PTGIS: variants seen among roughly 807,000 people sequenced by gnomAD.
PTGIS encodes the protein prostacyclin synthase.
Under a neutral mutation model 50.3 loss-of-function variants are expected in PTGIS, and 45 were observed. That is an observed-to-expected ratio of 0.90 (90% CI 0.70 to 1.15). The LOEUF is 1.15. Among genes scored for constraint, PTGIS ranks in the 50% most tolerant of loss-of-function variants. PTGIS has a pLI of 0.00. For missense variants in PTGIS, 668 were observed against 661.3 expected (o/e 1.01, Z -0.11); for synonymous variants, 260 against 267.7 (o/e 0.97, Z 0.28).
At chr20:49,530,544 C>T (rs1260499473) in intron 5 of PTGIS, among the ~76,000 whole-genome samples, 2 of 152,180 alleles carry the variant, frequency 1.3e-5, no homozygotes, top group African/African-American at 2.4e-5. Flanking sequence ...TTCCCACCAC[C>T]AGTGCGAAAG....
chr20:49,516,293 C>A (rs1339003046), intron 6 of PTGIS, among the ~76,000 whole-genome samples: 1 of 151,986 alleles, frequency 6.6e-6, no homozygotes, highest in Non-Finnish European at 1.5e-5. Flanking sequence ...AATGGACACA[C>A]TAATTTTAAG....
At chr20:49,555,363 T>G (rs1310828935) in intron 1 of PTGIS, among the ~76,000 whole-genome samples, 1 of 152,228 alleles carries the variant, frequency 6.6e-6, no homozygotes, top group African/African-American at 2.4e-5. Flanking sequence ...CAATAACCTG[T>G]GATTCTATTT....
chr20:49,509,264 C>T (rs897323384), intron 9 of PTGIS, among the ~76,000 whole-genome samples: 1 of 152,212 alleles, frequency 6.6e-6, no homozygotes, highest in Admixed American at 6.5e-5. Flanking sequence ...TGAACTCCTG[C>T]ACCTCCACTT....
At chr20:49,537,536 C>T (rs1351107821) in intron 5 of PTGIS, among the ~76,000 whole-genome samples, 1 of 152,280 alleles carries the variant, frequency 6.6e-6, no homozygotes, top group East Asian at 1.9e-4. Context: ...AGGCAGATCT[C>T]CTGAGGTCAG....
At position 49,507,914 on chromosome 20, in the gene PTGIS, CCT is replaced by C. The variant is rs1555802861; in HGVS notation, c.*4_*5del. 3.7e-6 allele frequency: 6 copies of C among 1,610,998 alleles called. No homozygotes were observed. The highest frequency in any genetic ancestry group is 5.1e-6 in the Non-Finnish European group (6 of 1,180,018). Reference sequence around the variant, plus strand: ...GGCGAGCACGTGGATCCATCTGCTCCCTGTGTCATGGGCGGATGCGGTAGCGG... The same window carrying C: ...GGCGAGCACGTGGATCCATCTGCTCCGTGTCATGGGCGGATGCGGTAGCGG... On this transcript the variant is annotated 3_prime_UTR_variant, in exon 10 of 10. Coordinates refer to ENST00000244043, the MANE Select transcript of PTGIS (RefSeq NM_000961.4).
At chr20:49,561,152 C>T (rs1982763836) in intron 1 of PTGIS, among the ~76,000 whole-genome samples, 1 of 152,162 alleles carries the variant, frequency 6.6e-6, no homozygotes, top group Non-Finnish European at 1.5e-5. Context: ...TCCTTTCCCC[C>T]TCCCTCTCTA....
intron 9 of PTGIS, among the ~76,000 whole-genome samples, chr20:49,510,182 GT>G: frequency 6.6e-6 from 1 of 152,002 alleles, no homozygotes. Flanking sequence ...AATCCCTGCA[GT>G]TTTTGTTGCA....
chr20:49,546,606 A>T (rs981714911), intron 3 of PTGIS, among the ~76,000 whole-genome samples: 1 of 152,190 alleles, frequency 6.6e-6, no homozygotes, highest in Non-Finnish European at 1.5e-5. Context: ...TCTTAGATGA[A>T]GGAGAATGCG....
Position 49,524,242 on chromosome 20 carries a change from G to T in PTGIS, c.674-3C>A, listed in dbSNP as rs1404342083. ...ACTGCACATGTGGTCCTTGTCCCCTGCAGGGACAGAGCACAGAGAGTAGGG... is the reference window on the plus strand; with the variant it reads ...ACTGCACATGTGGTCCTTGTCCCCTTCAGGGACAGAGCACAGAGAGTAGGG... On this transcript the variant is annotated splice_polypyrimidine_tract_variant and splice_region_variant and intron_variant, in intron 5 of 9. Coordinates refer to ENST00000244043, the MANE Select transcript of PTGIS (RefSeq NM_000961.4). 6.2e-7 allele frequency: 1 copy of T among 1,613,780 alleles called. No homozygotes were observed. Among genetic ancestry groups the T allele is most frequent in the Non-Finnish European group, 8.5e-7 (1 of 1,179,946 alleles).
intron 5 of PTGIS, among the ~76,000 whole-genome samples, chr20:49,537,525 C>T (rs1658520570): frequency 6.6e-6 from 1 of 151,912 alleles, no homozygotes; most frequent in South Asian, 2.1e-4. Flanking sequence ...GAGGCCGAGG[C>T]AGGCAGATCT....
At chr20:49,550,294 T>G in intron 1 of PTGIS, 105 bp from the exon 2 acceptor site, 1 of 1,447,494 alleles carries the variant, frequency 6.9e-7, no homozygotes, top group South Asian at 1.1e-5. Flanking sequence ...GGAGGTAATC[T>G]GAATGGAGCA....
Position 49,524,053 on chromosome 20 carries a change from C to T in PTGIS, c.855+5G>A, listed in dbSNP as rs369842524. On this transcript the variant is annotated splice_donor_5th_base_variant and intron_variant, in intron 6 of 9. Transcript: ENST00000244043. ...GCACACACCCACTTGCACATTCACACCCACCTGTGTGGCCCACAGCTGCAG... is the reference window on the plus strand; with the variant it reads ...GCACACACCCACTTGCACATTCACATCCACCTGTGTGGCCCACAGCTGCAG... The T allele has an allele frequency of 6.2e-7, 1 of 1,614,258 alleles. No individual in the cohort carries two copies. The highest frequency in any genetic ancestry group is 1.7e-5 in the Admixed American group (1 of 60,034).
intron 5 of PTGIS, among the ~76,000 whole-genome samples, chr20:49,534,358 G>A (rs868366475): frequency 3.9e-5 from 6 of 152,174 alleles, no homozygotes; most frequent in Admixed American, 1.3e-4. Flanking sequence ...AATGTTCGGG[G>A]GCTGCTTTGC....
chr20:49,557,131 T>G (rs1410416848), intron 1 of PTGIS, among the ~76,000 whole-genome samples: 1 of 152,202 alleles, frequency 6.6e-6, no homozygotes, highest in African/African-American at 2.4e-5. Flanking sequence ...CTCTCTTATT[T>G]TCTTTGTGTG....
intron 1 of PTGIS, among the ~76,000 whole-genome samples, chr20:49,566,015 A>C (rs1173413530): frequency 6.6e-6 from 1 of 152,186 alleles, no homozygotes; most frequent in Non-Finnish European, 1.5e-5. Flanking sequence ...AGATCACCTG[A>C]GGTCAGGAGT....
chr20:49,540,734 G>A lies in PTGIS; in HGVS notation c.522-1013C>T, dbSNP rs1982205012. On this transcript the variant is annotated intron_variant, in intron 4 of 9. Coordinates refer to ENST00000244043, the MANE Select transcript of PTGIS (RefSeq NM_000961.4). The surrounding 1 kb of genome is among the most constrained non-coding windows in gnomAD (Gnocchi z 4.8). ...CCTTCACCTCCAGCCCCCTTTAAAT[G>A]CCCCAGGAGTCCAGCCCCAGCCCAG... 1.3e-5 allele frequency among the ~76,000 whole-genome samples: 2 copies of A among 152,116 alleles called. No homozygotes were observed. The highest frequency in any genetic ancestry group is 4.8e-5 in the African/African-American group (2 of 41,444).
chr20:49,505,479 C>T lies in PTGIS; in HGVS notation c.*2441G>A, dbSNP rs1179561966. The T allele has an allele frequency of 6.6e-6, 1 of 152,362 alleles. No homozygotes were observed. Among genetic ancestry groups the T allele is most frequent in the Non-Finnish European group, 1.5e-5 (1 of 68,052 alleles). The allele number at this position is 152,362 out of a possible 1,614,324, so 9.4% of individuals were successfully genotyped here. A position where few individuals can be genotyped will look rare whatever the true frequency, so the allele number is the denominator to read the frequency against. On this transcript the variant is annotated 3_prime_UTR_variant, in exon 10 of 10. Transcript: ENST00000244043. ...GTGTAATTCACTAATGACTGTGGTTCCAAGGAGGTGCGACCTTTAAAGGGA... is the reference window on the plus strand; with the variant it reads ...GTGTAATTCACTAATGACTGTGGTTTCAAGGAGGTGCGACCTTTAAAGGGA...
chr20:49,511,217 C>A (rs749949305), intron 8 of PTGIS, 38 bp from the exon 9 acceptor site: 29 of 1,611,514 alleles, frequency 1.8e-5, no homozygotes, highest in Non-Finnish European at 2.0e-5. Flanking sequence ...ACCCCATTCC[C>A]AGAACAAGCT....
chr20:49,559,782 G>C (rs1982718197), intron 1 of PTGIS, among the ~76,000 whole-genome samples: 1 of 152,130 alleles, frequency 6.6e-6, no homozygotes, highest in Non-Finnish European at 1.5e-5. Flanking sequence ...ATTAGTGGTT[G>C]CCCAGGGCTG....
Sources: gnomAD v4.1 joint callset for allele counts (sites outside exome capture counted in the v4.1 genomes callset) on GRCh38, gnomAD v4.1.1 for gene constraint, Gnocchi (gnomAD v3.1) non-coding constraint, MANE v1.5 for transcripts, NCBI Gene and HGNC (gene_info 2026-07-23, HGNC 2026-07-21) for gene names.